Variants in TRPC7 observed in about 807,000 individuals in gnomAD.
TRPC7 encodes transient receptor potential cation channel subfamily C member 7, also known as short transient receptor potential channel 7.
In TRPC7, 42 loss-of-function variants were observed where a neutral mutation model predicts 90.1. That is an observed-to-expected ratio of 0.47 (90% confidence interval 0.36 to 0.60). The LOEUF (loss-of-function observed/expected upper bound fraction) is 0.60. TRPC7 is among the 20% of genes least tolerant of loss of function. The probability of loss-of-function intolerance (pLI) is 0.00; values close to 1 mark genes in which losing one functional copy is unlikely to be tolerated. For synonymous variants in TRPC7, 451 were observed against 436.3 expected (o/e 1.03, Z -0.42); for missense variants, 955 against 1,112.3 (o/e 0.86, Z 2.01).
At chr5:136,251,347 C>T (rs894650703) in intron 6 of TRPC7, among the ~76,000 whole-genome samples, 1 of 152,274 alleles carries the variant, frequency 6.6e-6, no homozygotes, top group South Asian at 2.1e-4. Flanking sequence ...TAAAAACAAA[C>T]AAACTACAGA....
intron 3 of TRPC7, among the ~76,000 whole-genome samples, chr5:136,280,481 T>G (rs1434004448): frequency 6.6e-6 from 1 of 152,218 alleles, no homozygotes; most frequent in Non-Finnish European, 1.5e-5. Flanking sequence ...TTGAATCCCC[T>G]AAGATTTTCT....
At chr5:136,239,666 C>T (rs1175734742) in intron 7 of TRPC7, among the ~76,000 whole-genome samples, 3 of 152,214 alleles carry the variant, frequency 2.0e-5, no homozygotes, top group Admixed American at 6.5e-5. Flanking sequence ...TACCCCTTGC[C>T]CTGCTTCTCC....
At chr5:136,345,377 G>A (rs944455705) in intron 2 of TRPC7, among the ~76,000 whole-genome samples, 21 of 152,022 alleles carry the variant, frequency 1.4e-4, no homozygotes, top group Non-Finnish European at 1.8e-4. Flanking sequence ...CCAACATGGC[G>A]AAACCCCGTC....
intron 3 of TRPC7, among the ~76,000 whole-genome samples, chr5:136,309,327 C>T (rs1353885): frequency 0.025 from 3,745 of 152,314 alleles, 76 homozygotes; most frequent in South Asian, 0.052. Context: ...ATTTCAATCC[C>T]CAGTCTTGGC....
rs1347941984 is a variant in TRPC7, at chr5:136,231,517, G to T, written c.1877C>A (p.Ser626Tyr). 1.2e-6 allele frequency: 2 copies of T among 1,606,156 alleles called. No homozygotes were observed. Among genetic ancestry groups the T allele is most frequent in the African/African-American group, 1.3e-5 (1 of 74,798 alleles). The change falls in exon 8 of 12, where the codon TCC becomes TAC. Residue 626 changes from serine (S) to tyrosine (Y), a missense_variant. By Grantham distance (144) the Ser-to-Tyr change is moderately radical. Around this residue, in one of 4 missense-constraint regions of TRPC7, gnomAD observed 296 missense variants for 422.7 expected, o/e 0.70. Transcript: ENST00000513104. ...GATTACTTCAGATAAGCCGAATATGGACCAAAACAAAGTTTTAAAACTTTC... is the reference window on the plus strand; with the variant it reads ...GATTACTTCAGATAAGCCGAATATGTACCAAAACAAAGTTTTAAAACTTTC... Reference protein sequence around the residue: ...VEESFKTLFWSIFGLSEVISV... With the variant: ...VEESFKTLFWYIFGLSEVISV...
chr5:136,251,840 G>A lies in TRPC7; in HGVS notation c.1388C>T (p.Pro463Leu). ...CCACAAGTGCAGCACGTACTCCCGT[G>A]GCCCCTCCTCCCAGATTTCCTTGCA... ...SECKEIWEEG[P>L]REYVLHLWNL... The change falls in exon 6 of 12, where the codon CCA (proline) becomes CTA (leucine). Residue 463 changes from proline to leucine, a missense_variant. By Grantham distance (98) the Pro-to-Leu change is moderately conservative (BLOSUM62 -3). Coordinates refer to ENST00000513104, the MANE Select transcript of TRPC7 (RefSeq NM_020389.3). 3 of 1,613,958 alleles carry A rather than the reference G, an allele frequency of 1.9e-6. No homozygotes were observed. Among genetic ancestry groups the A allele is most frequent in the Non-Finnish European group, 2.5e-6 (3 of 1,179,872 alleles).
At chr5:136,335,043 T>G (rs1328706555) in intron 2 of TRPC7, among the ~76,000 whole-genome samples, 3 of 152,152 alleles carry the variant, frequency 2.0e-5, no homozygotes, top group African/African-American at 7.2e-5. Context: ...CAGATTACAG[T>G]TTTTTGCTTT....
intron 2 of TRPC7, among the ~76,000 whole-genome samples, chr5:136,330,897 C>A (rs1759478031): frequency 6.6e-6 from 1 of 152,174 alleles, no homozygotes; most frequent in Non-Finnish European, 1.5e-5. Flanking sequence ...AGATCATCAC[C>A]CCCTTTCTGA....
At chr5:136,348,665 A>G (rs145394931) in intron 2 of TRPC7, among the ~76,000 whole-genome samples, 2 of 152,310 alleles carry the variant, frequency 1.3e-5, no homozygotes, top group African/African-American at 4.8e-5. Flanking sequence ...ATATGTATTC[A>G]TTGCATGAAT....
At chr5:136,286,018 G>A (rs1310863878) in intron 3 of TRPC7, among the ~76,000 whole-genome samples, 1 of 152,160 alleles carries the variant, frequency 6.6e-6, no homozygotes, top group Non-Finnish European at 1.5e-5. Flanking sequence ...TAGAACATAA[G>A]CTTTATAAGA....
chr5:136,357,463 ACACAAAGAATAT>A, intron 1 of TRPC7, 78 bp from the exon 2 acceptor site: 1 of 1,382,976 alleles, frequency 7.2e-7, no homozygotes, highest in Non-Finnish European at 9.7e-7. Context: ...TGGTTGAGAT[ACACAAAGAATAT>A]CATGCTTGGA....
At chr5:136,349,202 A>T (rs951873707) in intron 2 of TRPC7, among the ~76,000 whole-genome samples, 1 of 151,828 alleles carries the variant, frequency 6.6e-6, no homozygotes, top group Non-Finnish European at 1.5e-5. Flanking sequence ...TGTTAGCAGC[A>T]CTCTAAGCTT....
rs572760970 is a variant in TRPC7, at chr5:136,293,718, A to T, written c.964-18881T>A. 7.2e-5 allele frequency among the ~76,000 whole-genome samples: 11 copies of T among 152,324 alleles called. No individual in the cohort carries two copies. The East Asian group carries it at 7.7e-4, about 11-fold the overall frequency. ...ATTGTGAAAATGGCCATACTGCCCA[A>T]GGTAATTTATAGATTCAGTGCCATC... On this transcript the variant is annotated intron_variant, in intron 3 of 11. Transcript: ENST00000513104.
intron 1 of TRPC7, among the ~76,000 whole-genome samples, chr5:136,363,390 A>T (rs1230197196): frequency 6.6e-6 from 1 of 152,136 alleles, no homozygotes. Flanking sequence ...AACTTATTAC[A>T]AATATATTAA....
chr5:136,331,316 A>G (rs1349353882), intron 2 of TRPC7, among the ~76,000 whole-genome samples: 1 of 152,154 alleles, frequency 6.6e-6, no homozygotes, highest in African/African-American at 2.4e-5. Context: ...TCTCAAGTAT[A>G]CATTCATTTA....
chr5:136,260,273 A>C (rs187115274), intron 5 of TRPC7, among the ~76,000 whole-genome samples: 28 of 152,358 alleles, frequency 1.8e-4, no homozygotes, highest in African/African-American at 6.5e-4. Context: ...TGAGACAGGC[A>C]GGAAACAAAA....
chr5:136,287,718 A>C (rs1204518481), intron 3 of TRPC7, among the ~76,000 whole-genome samples: 6 of 143,750 alleles, frequency 4.2e-5, no homozygotes, highest in African/African-American at 7.8e-5. Context: ...AAAAAAAAAA[A>C]AAAAAAAAAA....
chr5:136,292,616 G>A (rs1162387994), intron 3 of TRPC7, among the ~76,000 whole-genome samples: 1 of 152,128 alleles, frequency 6.6e-6, no homozygotes, highest in African/African-American at 2.4e-5. Flanking sequence ...TCTCTGAATA[G>A]ACCAATAACA....
Position 136,365,315 on chromosome 5 carries a change from C to T in TRPC7, c.-61G>A. ...ATGACCGGAATCCGGTGTTGAGTCG[C>T]CAGAAGCTGGCTCCCCATGGGTGGT... On this transcript the variant is annotated 5_prime_UTR_variant, in exon 1 of 12. Transcript: ENST00000513104. 6.5e-7 allele frequency: 1 copy of T among 1,530,664 alleles called. No homozygotes were observed. The highest frequency in any genetic ancestry group is 8.8e-7 in the Non-Finnish European group (1 of 1,141,038). 94.8% of individuals were successfully genotyped at this position (1,530,664 alleles called of 1,614,324 possible). A position where few individuals can be genotyped will look rare whatever the true frequency, so the allele number is the denominator to read the frequency against.
Sources: allele counts gnomAD v4.1 joint callset (sites outside exome capture counted in the v4.1 genomes callset), GRCh38; gene constraint gnomAD v4.1.1; regional missense constraint gnomAD v4.1.1; transcripts MANE v1.5; gene names NCBI Gene and HGNC (gene_info 2026-07-23, HGNC 2026-07-21).